Variants in FKTN observed in about 807,000 individuals in gnomAD.
The protein encoded by FKTN is ribitol-5-phosphate transferase FKTN.
A neutral mutation model predicts 58.6 loss-of-function variants in FKTN; 47 were observed. The observed-to-expected ratio is 0.80, with a 90% CI of 0.63 to 1.02. The LOEUF is 1.02. Ranked by LOEUF, FKTN falls within the 50% of genes least tolerant of loss-of-function variation. FKTN has a pLI of 0.00. For synonymous variants in FKTN, 178 were observed against 191.9 expected (o/e 0.93, Z 0.60); for missense variants, 516 against 537.3 (o/e 0.96, Z 0.39).
rs527326333 is a variant in FKTN at position 105,638,434 on chromosome 9, C to T, written c.*3170C>T. The T allele has an allele frequency of 6.5e-5, 64 of 985,422 alleles. 1 individual carries two copies. In the South Asian group the frequency reaches 2.6e-3, roughly 41 times the overall value. The allele number at this position is 985,422 out of a possible 1,614,324, so 61.0% of individuals were successfully genotyped here. On this transcript the variant is annotated 3_prime_UTR_variant, in exon 11 of 11. Coordinates refer to ENST00000357998, the MANE Select transcript of FKTN (RefSeq NM_001079802.2). ...TCTCTCCAGACAATAAGACAGTTCA[C>T]ATCTGGAGACATCAGCCTTTGGTAC...
rs538455430 is a variant in FKTN, at chr9:105,604,522, A to T, written c.647+30A>T. On this transcript the variant is annotated intron_variant, in intron 6 of 10. Transcript: ENST00000357998. ...GTTCAGAGTCAAAACGTGAAATGTG[A>T]AATGAGTGTTGTTCAGTCATAATTC... The T allele has an allele frequency of 5.2e-5, 83 of 1,580,980 alleles. No homozygotes were observed. The Admixed American group carries it at 1.4e-3, about 26-fold the overall frequency.
rs754081311 is a variant in FKTN at position 105,607,829 on chromosome 9, C to T, written c.658C>T (p.Gln220Ter). 1.2e-6 allele frequency: 2 copies of T among 1,610,866 alleles called. No individual in the cohort carries two copies. The highest frequency in any genetic ancestry group is 1.1e-5 in the South Asian group (1 of 91,014). The change falls in exon 7 of 11, where the codon CAG (glutamine) becomes TAG (stop). Residue 220 changes from glutamine to a stop codon, truncating the protein, a stop_gained. Transcript: ENST00000357998. LOFTEE classifies it high-confidence loss of function. ...AACTTTTGTTTTCAGGCCAGAGTTA[C>T]AGCAAGTTACTGTTGATGGACTGGA... Reference protein sequence around the residue: ...YPGAFDRPELQQVTVDGLEVL... With the variant: ...YPGAFDRPEL
chr9:105,631,536 T>C (rs1490740711), intron 10 of FKTN, among the ~76,000 whole-genome samples: 1 of 151,690 alleles, frequency 6.6e-6, no homozygotes, highest in African/African-American at 2.4e-5. Context: ...AGGGCTAATA[T>C]CCACAATCTA....
chr9:105,595,194 T>C (rs761701998), intron 3 of FKTN, among the ~76,000 whole-genome samples: 3 of 152,146 alleles, frequency 2.0e-5, no homozygotes, highest in Non-Finnish European at 4.4e-5. Context: ...GGAGTGGCTG[T>C]TAATAGGAAC....
chr9:105,589,316 G>C (rs1458055468), intron 3 of FKTN, among the ~76,000 whole-genome samples: 2 of 152,092 alleles, frequency 1.3e-5, no homozygotes, highest in Non-Finnish European at 2.9e-5. Context: ...TGGCTAACAT[G>C]GTGAAACCCT....
intron 10 of FKTN, among the ~76,000 whole-genome samples, chr9:105,633,960 A>G (rs1005897635): frequency 5.6e-4 from 85 of 152,314 alleles, no homozygotes; most frequent in Non-Finnish European, 5.6e-4. Flanking sequence ...TCATTACTGA[A>G]AGTTCTTCCC....
chr9:105,638,320 A>T lies in FKTN; in HGVS notation c.*3056A>T. 1.0e-6 allele frequency: 1 copy of T among 985,430 alleles called. No individual in the cohort carries two copies. Among genetic ancestry groups the T allele is most frequent in the Non-Finnish European group, 1.2e-6 (1 of 829,920 alleles). The allele number at this position is 985,430 out of a possible 1,614,324, so 61.0% of individuals were successfully genotyped here. ...ATCTTTTTGTTCAGATTGAGAACCTAAGGCGACAGAGAGGTCAAGGGGAAG... is the reference window on the plus strand; with the variant it reads ...ATCTTTTTGTTCAGATTGAGAACCTTAGGCGACAGAGAGGTCAAGGGGAAG... On this transcript the variant is annotated 3_prime_UTR_variant, in exon 11 of 11. Transcript: ENST00000357998.
At chr9:105,571,400 C>T (rs934389345) in intron 1 of FKTN, among the ~76,000 whole-genome samples, 8 of 152,190 alleles carry the variant, frequency 5.3e-5, no homozygotes, top group African/African-American at 1.9e-4. Flanking sequence ...GAATCTTTCT[C>T]TTTTGTGACT....
At chr9:105,633,644 C>T (rs960861211) in intron 10 of FKTN, among the ~76,000 whole-genome samples, 8 of 152,188 alleles carry the variant, frequency 5.3e-5, no homozygotes, top group Non-Finnish European at 2.9e-5. Flanking sequence ...TGAGATTTTC[C>T]GTGGCCACCT....
intron 3 of FKTN, among the ~76,000 whole-genome samples, chr9:105,594,356 A>G (rs1457960866): frequency 6.6e-6 from 1 of 152,222 alleles, no homozygotes; most frequent in Admixed American, 6.5e-5. Context: ...GTGTTAGAAA[A>G]AAGGGGGAAA....
chr9:105,631,506 G>T (rs552007786), intron 10 of FKTN, among the ~76,000 whole-genome samples: 1 of 151,772 alleles, frequency 6.6e-6, no homozygotes, highest in Non-Finnish European at 1.5e-5. Context: ...GAAAATTTTT[G>T]CAACCTACTC....
At chr9:105,569,925 T>C (rs188773919) in intron 1 of FKTN, among the ~76,000 whole-genome samples, 1 of 152,280 alleles carries the variant, frequency 6.6e-6, no homozygotes, top group Non-Finnish European at 1.5e-5. Context: ...AAACTTTACC[T>C]AAGTGTAAGT....
chr9:105,601,424 TA>T (rs1827857243), intron 5 of FKTN, 76 bp downstream of exon 5: 1 of 1,050,006 alleles, frequency 9.5e-7, no homozygotes, highest in Non-Finnish European at 1.4e-6. Flanking sequence ...GTTTAAAATG[TA>T]AAACATTAAA....
At chr9:105,614,228 T>A (rs1375771562) in intron 7 of FKTN, among the ~76,000 whole-genome samples, 1 of 152,086 alleles carries the variant, frequency 6.6e-6, no homozygotes, top group African/African-American at 2.4e-5. Context: ...ACGAAGAGAA[T>A]CAGAAAACCA....
At chr9:105,594,085 T>C (rs1826289068) in intron 3 of FKTN, among the ~76,000 whole-genome samples, 1 of 152,124 alleles carries the variant, frequency 6.6e-6, no homozygotes, top group South Asian at 2.1e-4. Context: ...GAATGATCCA[T>C]CAGAGAAAGA....
At chr9:105,628,453 G>A (rs1348179817) in intron 10 of FKTN, among the ~76,000 whole-genome samples, 2 of 152,042 alleles carry the variant, frequency 1.3e-5, no homozygotes, top group African/African-American at 4.8e-5. Flanking sequence ...AGAGAAGATT[G>A]CCTCCAGATG....
At position 105,638,889 on chromosome 9, in the gene FKTN, A is replaced by C; in HGVS notation, c.*3625A>C. The C allele has an allele frequency of 1.0e-6, 1 of 985,260 alleles. No homozygotes were observed. Among genetic ancestry groups the C allele is most frequent in the Non-Finnish European group, 1.2e-6 (1 of 829,776 alleles). 61.0% of individuals were successfully genotyped at this position (985,260 alleles called of 1,614,324 possible). A position where few individuals can be genotyped will look rare whatever the true frequency, so the allele number is the denominator to read the frequency against. The stretch of plus-strand genomic sequence containing the variant: ...ACAGTACTTCAAATGGCACATAGAT[A>C]GGCAGGATATTACATAGGTAAGCAG... On this transcript the variant is annotated 3_prime_UTR_variant, in exon 11 of 11. Coordinates refer to ENST00000357998, the MANE Select transcript of FKTN (RefSeq NM_001079802.2).
chr9:105,635,508 T>C lies in FKTN; in HGVS notation c.*244T>C. 1.5e-6 allele frequency: 2 copies of C among 1,377,968 alleles called. No individual in the cohort carries two copies. The highest frequency in any genetic ancestry group is 1.6e-5 in the South Asian group (1 of 64,398). The allele number at this position is 1,377,968 out of a possible 1,614,324, so 85.4% of individuals were successfully genotyped here. On this transcript the variant is annotated 3_prime_UTR_variant, in exon 11 of 11. Transcript: ENST00000357998. ...GAATGAGACAAATACCTACTTCTTT[T>C]ATTCCTCCTTTTGGTAAACAACTCA...
intron 8 of FKTN, 112 bp downstream of exon 8, chr9:105,615,519 G>T: frequency 9.8e-7 from 1 of 1,023,708 alleles, no homozygotes; most frequent in Non-Finnish European, 1.6e-6. Flanking sequence ...CATGTGTATA[G>T]ACAGAATAAA....
Sources: gnomAD v4.1 joint callset for allele counts (sites outside exome capture counted in the v4.1 genomes callset) on GRCh38, gnomAD v4.1.1 for gene constraint, MANE v1.5 for transcripts, NCBI Gene and HGNC (gene_info 2026-07-23, HGNC 2026-07-21) for gene names.